Variants in PUS10 observed in about 807,000 individuals in gnomAD.
The protein encoded by PUS10 is tRNA pseudouridine synthase Pus10.
PUS10 carries 59 observed loss-of-function variants against 75.0 expected under a neutral mutation model. The ratio of observed to expected loss-of-function variants is 0.79; its 90% CI spans 0.64 to 0.98. The LOEUF is 0.98. Among genes scored for constraint, PUS10 ranks in the 50% least tolerant of loss-of-function variants. PUS10 has a pLI of 0.00. For synonymous variants in PUS10, 219 were observed against 211.6 expected, an observed-to-expected ratio of 1.03 and a Z score of -0.30; for missense variants, 650 against 614.4, an observed-to-expected ratio of 1.06 and a Z score of -0.61.
chr2:60,978,644 T>C (rs922793887), intron 4 of PUS10, among the ~76,000 whole-genome samples: 5 of 152,176 alleles, frequency 3.3e-5, no homozygotes, highest in Admixed American at 2.6e-4. Flanking sequence ...GGTTTAGATA[T>C]TCCCCTTAAG....
In PUS10 at chr2:60,981,653, CTT is replaced by C. The variant is rs945160542; in HGVS notation, c.469-10098_469-10097del. On this transcript the variant is annotated intron_variant, in intron 4 of 17. Transcript: ENST00000316752. ...ATCCATTATGTGTTAACATAAATAA[CTT>C]TTCTTGAAAAATATATTTTTCAAAC... Among the ~76,000 whole-genome samples the C allele has an allele frequency of 2.0e-4, 31 of 152,168 alleles. 1 individual carries two copies. Among genetic ancestry groups the C allele is most frequent in the Non-Finnish European group, 2.9e-4 (20 of 68,012 alleles).
chr2:60,987,673 C>G (rs1015005037), intron 4 of PUS10, among the ~76,000 whole-genome samples: 3 of 151,998 alleles, frequency 2.0e-5, no homozygotes, highest in Non-Finnish European at 4.4e-5. Flanking sequence ...TGGCTCGTGC[C>G]GCACTTTGGG....
At chr2:60,997,116 G>A (rs372605494) in intron 4 of PUS10, among the ~76,000 whole-genome samples, 1 of 152,130 alleles carries the variant, frequency 6.6e-6, no homozygotes, top group Non-Finnish European at 1.5e-5. Flanking sequence ...GCAAGTTCTT[G>A]GAGTTACCTT....
intron 4 of PUS10, among the ~76,000 whole-genome samples, chr2:61,001,420 G>A (rs1678851317): frequency 6.6e-6 from 1 of 151,966 alleles, no homozygotes. Flanking sequence ...GGGACTACAG[G>A]TGCACACCAC....
rs534163558 is a variant in PUS10 at position 61,017,999 on chromosome 2, G to A, written c.-16+9C>T. The A allele has an allele frequency of 4.9e-4, 656 of 1,331,400 alleles. 9 individuals are homozygous for A. In the South Asian group the frequency reaches 8.7e-3, roughly 18 times the overall value. The allele number at this position is 1,331,400 out of a possible 1,614,324, so 82.5% of individuals were successfully genotyped here. ...GGGATAGGGGCCGAGGTGGAGCTGG[G>A]GCGCTTACCAGTGGGGACTTTAGTG... On this transcript the variant is annotated intron_variant, in intron 1 of 17. Transcript: ENST00000316752.
At chr2:60,961,592 A>G in intron 9 of PUS10, 44 bp from the exon 10 acceptor site, 1 of 1,492,648 alleles carries the variant, frequency 6.7e-7, no homozygotes, top group Non-Finnish European at 9.4e-7. Flanking sequence ...CAGACATAAT[A>G]TTGAATCACA....
chr2:60,944,937 G>A, intron 17 of PUS10, 72 bp downstream of exon 17: 1 of 1,089,600 alleles, frequency 9.2e-7, no homozygotes, highest in African/African-American at 1.5e-5. Context: ...TACTAAAATG[G>A]CTTAATGCCA....
intron 4 of PUS10, among the ~76,000 whole-genome samples, chr2:60,993,380 C>T (rs1472829986): frequency 1.3e-5 from 2 of 151,980 alleles, no homozygotes; most frequent in African/African-American, 4.8e-5. Context: ...TCACTTGAAC[C>T]CGTGAGGTGG....
chr2:60,995,261 C>T (rs1678376271), intron 4 of PUS10, among the ~76,000 whole-genome samples: 1 of 152,200 alleles, frequency 6.6e-6, no homozygotes, highest in East Asian at 1.9e-4. Flanking sequence ...ATGCAACACA[C>T]TCTGCCATGA....
At position 61,010,927 on chromosome 2, in the gene PUS10, C is replaced by A; in HGVS notation, c.126+838G>T. ...CAATCATAGTATGTACTTACCTAAT[C>A]AGTTATTATGAGAATTATATAAGAC... On this transcript the variant is annotated intron_variant, in intron 2 of 17. Coordinates refer to ENST00000316752, the MANE Select transcript of PUS10 (RefSeq NM_144709.4). 1.9e-6 allele frequency: 3 copies of A among 1,540,476 alleles called. No individual in the cohort carries two copies. The South Asian group carries it at 3.6e-5, about 18-fold the overall frequency.
At chr2:61,012,887 T>TATATATATATATATATATATACAC (rs67357917) in intron 1 of PUS10, among the ~76,000 whole-genome samples, 1 of 88,898 alleles carries the variant, frequency 1.1e-5, no homozygotes, top group African/African-American at 4.1e-5. Context: ...TATATATATA[T>TATATATATATATATATATATACAC]ACACACACAC....
intron 16 of PUS10, among the ~76,000 whole-genome samples, chr2:60,947,604 C>A (rs528725768): frequency 6.6e-6 from 1 of 152,150 alleles, no homozygotes; most frequent in East Asian, 1.9e-4. Flanking sequence ...CCGAGGTGGG[C>A]GGATCACGAG....
intron 4 of PUS10, among the ~76,000 whole-genome samples, chr2:60,995,555 G>A (rs1678400140): frequency 6.6e-6 from 1 of 152,206 alleles, no homozygotes; most frequent in Non-Finnish European, 1.5e-5. Context: ...ATAGGCAAGA[G>A]TCTGAATTAG....
intron 4 of PUS10, among the ~76,000 whole-genome samples, chr2:60,975,881 C>G (rs1417191994): frequency 6.6e-6 from 1 of 152,132 alleles, no homozygotes; most frequent in Non-Finnish European, 1.5e-5. Flanking sequence ...CCTGCCTCAG[C>G]CTCCTAAGTA....
intron 3 of PUS10, 86 bp downstream of exon 3, chr2:61,008,675 G>T: frequency 8.8e-7 from 1 of 1,134,458 alleles, no homozygotes; most frequent in Non-Finnish European, 1.2e-6. Context: ...GTCTTGTCTT[G>T]AAAAAAGGAA....
chr2:60,992,344 A>T (rs915830093), intron 4 of PUS10, among the ~76,000 whole-genome samples: 19 of 151,554 alleles, frequency 1.3e-4, no homozygotes, highest in East Asian at 3.9e-4. Context: ...GTCTACATTT[A>T]AAAAAAAATG....
At chr2:60,947,892 T>C in intron 16 of PUS10, 151 bp downstream of exon 16, 1 of 423,864 alleles carries the variant, frequency 2.4e-6, no homozygotes, top group Non-Finnish European at 4.1e-6. Flanking sequence ...AAAAACCACA[T>C]CCAACAAAGA....
chr2:60,993,346 A>C (rs898333267), intron 4 of PUS10, among the ~76,000 whole-genome samples: 1 of 152,046 alleles, frequency 6.6e-6, no homozygotes. Context: ...AGTCCCCGCT[A>C]CTTGACAGGC....
chr2:60,964,951 T>C lies in PUS10; in HGVS notation c.723+107A>G, dbSNP rs371027908. On this transcript the variant is annotated intron_variant, in intron 8 of 17. Transcript: ENST00000316752. Reference sequence around the variant, plus strand: ...GAAATATTTAAAAGCTGATTCTTAGTATAATAGAGTTGCCATGTTTCTGAT... The same window carrying C: ...GAAATATTTAAAAGCTGATTCTTAGCATAATAGAGTTGCCATGTTTCTGAT... The C allele has an allele frequency of 1.2e-3, 1,156 of 957,622 alleles. 25 individuals carry two copies. The South Asian group carries it at 0.016, about 13-fold the overall frequency. The allele number at this position is 957,622 out of a possible 1,614,324, so 59.3% of individuals were successfully genotyped here.
Sources: allele counts gnomAD v4.1 joint callset (sites outside exome capture counted in the v4.1 genomes callset), GRCh38; gene constraint gnomAD v4.1.1; transcripts MANE v1.5; gene names NCBI Gene and HGNC (gene_info 2026-07-23, HGNC 2026-07-21).